The following ARCN1 variants were observed in gnomAD, a reference collection of about 807,000 sequenced individuals.
ARCN1 encodes coatomer subunit delta.
A neutral mutation model predicts 60.4 loss-of-function variants in ARCN1; 5 were observed. The ratio of observed to expected loss-of-function variants is 0.08; its 90% CI spans 0.04 to 0.17. ARCN1 has a LOEUF of 0.17. ARCN1 is among the 10% of genes least tolerant of loss of function. The pLI is 1.00. For missense variants in ARCN1, 464 were observed against 626.5 expected (o/e 0.74, Z 2.77); for synonymous variants, 224 against 220.0 (o/e 1.02, Z -0.16).
At chr11:118,584,260 G>T (rs1192198121) in intron 4 of ARCN1, among the ~76,000 whole-genome samples, 1 of 152,168 alleles carries the variant, frequency 6.6e-6, no homozygotes, top group Non-Finnish European at 1.5e-5. Flanking sequence ...TTGCCTTATT[G>T]TGGGGAGGAA....
intron 5 of ARCN1, among the ~76,000 whole-genome samples, chr11:118,586,361 TGCTTG>T (rs1218510183): frequency 3.3e-5 from 5 of 152,162 alleles, no homozygotes; most frequent in Non-Finnish European, 5.9e-5. Context: ...CTCCCAAAAG[TGCTTG>T]GATTATAGGC....
chr11:118,603,014 CAT>C lies in ARCN1; in HGVS notation c.*2301_*2302del, dbSNP rs1318872563. The C allele has an allele frequency of 2.0e-5, 3 of 153,572 alleles. No homozygotes were observed. Among genetic ancestry groups the C allele is most frequent in the Non-Finnish European group, 4.4e-5 (3 of 68,016 alleles). The allele number at this position is 153,572 out of a possible 1,614,324, so 9.5% of individuals were successfully genotyped here. A position where few individuals can be genotyped will look rare whatever the true frequency, so the allele number is the denominator to read the frequency against. On this transcript the variant is annotated 3_prime_UTR_variant, in exon 10 of 10. Transcript: ENST00000264028. ...GGGACCTAACATTAAAAATTAATGA[CAT>C]GTTTTTTTTAAGAGAAAGTAATCTG...
chr11:118,587,660 G>A (rs1050112847), intron 5 of ARCN1, among the ~76,000 whole-genome samples: 6 of 152,104 alleles, frequency 3.9e-5, no homozygotes, highest in East Asian at 1.9e-4. Flanking sequence ...CACATCAAGC[G>A]GTCACACCTA....
At chr11:118,597,975 A>T in intron 9 of ARCN1, 64 bp downstream of exon 9, 2 of 1,529,270 alleles carry the variant, frequency 1.3e-6, no homozygotes, top group Non-Finnish European at 1.8e-6. Context: ...CACGTATAGG[A>T]TGCCAGACAG....
intron 1 of ARCN1, chr11:118,572,973 A>T (rs1938386335): frequency 4.9e-6 from 1 of 203,952 alleles, no homozygotes; most frequent in Non-Finnish European, 9.8e-6. Flanking sequence ...TGTTAATCAG[A>T]GCTTGTCTCC....
At chr11:118,587,001 A>G (rs1391630028) in intron 5 of ARCN1, among the ~76,000 whole-genome samples, 2 of 152,122 alleles carry the variant, frequency 1.3e-5, no homozygotes, top group East Asian at 3.8e-4. Flanking sequence ...CTTAAGATGC[A>G]CTCCTTTATG....
rs1555076706 is a variant in ARCN1 at position 118,593,707 on chromosome 11, T to C, written c.1241+9T>C. Reference sequence around the variant, plus strand: ...ATCACCATCCCACTCCCGTAAGTGCTGTCCCTGTGTCCTCTACGGTGGACT... The same window carrying C: ...ATCACCATCCCACTCCCGTAAGTGCCGTCCCTGTGTCCTCTACGGTGGACT... On this transcript the variant is annotated intron_variant, in intron 8 of 9. Coordinates refer to ENST00000264028, the MANE Select transcript of ARCN1 (RefSeq NM_001655.5). 1 of 1,572,820 alleles carries C rather than the reference T, an allele frequency of 6.4e-7. No homozygotes were observed. Among genetic ancestry groups the C allele is most frequent in the South Asian group, 1.1e-5 (1 of 90,194 alleles).
At position 118,600,642 on chromosome 11, in the gene ARCN1, G is replaced by C; in HGVS notation, c.1464G>C (p.Gln488His). ...YCNIQVTKVT[Q>H]VDGNSPVRFS... ...TTTCCTAGGTTACCAAAGTGACCCAGGTAGATGGAAACAGCCCCGTCAGGT... is the reference window on the plus strand; with the variant it reads ...TTTCCTAGGTTACCAAAGTGACCCACGTAGATGGAAACAGCCCCGTCAGGT... Residue 488 changes from glutamine (Q) to histidine (H), a missense_variant, in exon 10 of 10, where the codon CAG becomes CAC. Gln to His is a conservative substitution (Grantham distance 24). Around this residue, in one of 2 missense-constraint regions of ARCN1, gnomAD observed 359 missense variants for 440.2 expected, o/e 0.82. Transcript: ENST00000264028. 1 of 1,612,048 alleles carries C rather than the reference G, an allele frequency of 6.2e-7. No individual in the cohort carries two copies. Among genetic ancestry groups the C allele is most frequent in the Non-Finnish European group, 8.5e-7 (1 of 1,179,154 alleles).
intron 1 of ARCN1, 41 bp downstream of exon 1, chr11:118,572,591 C>A: frequency 6.3e-7 from 1 of 1,596,624 alleles, no homozygotes; most frequent in Middle Eastern, 1.7e-4. Flanking sequence ...GGGTCCGAGC[C>A]TCACCGTCTC....
intron 1 of ARCN1, among the ~76,000 whole-genome samples, chr11:118,578,365 A>G (rs1555074055): frequency 6.6e-6 from 1 of 152,094 alleles, no homozygotes; most frequent in African/African-American, 2.4e-5. Context: ...CATTGTTTCT[A>G]ACAGGTTTAT....
At chr11:118,582,091 C>G (rs1938668642) in intron 2 of ARCN1, among the ~76,000 whole-genome samples, 1 of 151,950 alleles carries the variant, frequency 6.6e-6, no homozygotes, top group Non-Finnish European at 1.5e-5. Flanking sequence ...GCCAGGAGTT[C>G]AAGTGCACAG....
intron 5 of ARCN1, among the ~76,000 whole-genome samples, chr11:118,589,937 G>T (rs1591388099): frequency 1.3e-5 from 2 of 152,200 alleles, no homozygotes; most frequent in African/African-American, 4.8e-5. Context: ...GTTGTTGATG[G>T]CTAATCATTA....
chr11:118,592,749 C>T lies in ARCN1; in HGVS notation c.1025C>T (p.Ser342Phe). The T allele has an allele frequency of 2.5e-6, 4 of 1,614,010 alleles. No individual in the cohort carries two copies. Among genetic ancestry groups the T allele is most frequent in the Non-Finnish European group, 3.4e-6 (4 of 1,179,950 alleles). ...GATAAAAAACTTTTCACTGCAGAGT[C>T]TCTAATTGGCCTGAAGAATCCAGAG... ...NVDKKLFTAE[S>F]LIGLKNPEKS... The change falls in exon 7 of 10, where the codon TCT becomes TTT. Residue 342 changes from serine to phenylalanine, a missense_variant. This residue lies in a region of ARCN1 where 359 missense variants were observed against 440.2 expected (regional missense o/e 0.82). Coordinates refer to ENST00000264028, the MANE Select transcript of ARCN1 (RefSeq NM_001655.5).
chr11:118,601,920 A>G lies in ARCN1; in HGVS notation c.*1206A>G. ...CATTTCTCCACATTTTGGGTACTTA[A>G]GCTAAAACGTAATGGCCACAGTCTG... On this transcript the variant is annotated 3_prime_UTR_variant, in exon 10 of 10. Coordinates refer to ENST00000264028, the MANE Select transcript of ARCN1 (RefSeq NM_001655.5). 1.7e-6 allele frequency: 1 copy of G among 586,054 alleles called. No individual in the cohort carries two copies. The highest frequency in any genetic ancestry group is 2.8e-5 in the East Asian group (1 of 35,330). 36.3% of individuals were successfully genotyped at this position (586,054 alleles called of 1,614,324 possible).
rs150137941 is a variant in ARCN1, at chr11:118,581,103, G to A, written c.4-143G>A. 1,288 of 1,089,634 alleles carry A rather than the reference G, an allele frequency of 1.2e-3. 6 individuals carry two copies. In the African/African-American group the frequency reaches 0.015, roughly 13 times the overall value. The allele number at this position is 1,089,634 out of a possible 1,614,324, so 67.5% of individuals were successfully genotyped here. A position where few individuals can be genotyped will look rare whatever the true frequency, so the allele number is the denominator to read the frequency against. Reference sequence around the variant, plus strand: ...CCATTGCACTCCGGCATGGGTGACAGAGTGAGACCCTGTCTTAAAAATAAT... The same window carrying A: ...CCATTGCACTCCGGCATGGGTGACAAAGTGAGACCCTGTCTTAAAAATAAT... On this transcript the variant is annotated intron_variant, in intron 1 of 9. Transcript: ENST00000264028.
intron 1 of ARCN1, among the ~76,000 whole-genome samples, chr11:118,580,517 A>G (rs1938626549): frequency 6.6e-6 from 1 of 152,202 alleles, no homozygotes; most frequent in South Asian, 2.1e-4. Flanking sequence ...TCAAAACTAC[A>G]CAACTCTTTT....
intron 6 of ARCN1, among the ~76,000 whole-genome samples, chr11:118,592,376 A>G (rs1938931240): frequency 6.6e-6 from 1 of 152,154 alleles, no homozygotes. Context: ...TCTGCTTGGC[A>G]AACCTGGCCC....
chr11:118,573,213 TG>T (rs1374296035), intron 1 of ARCN1, among the ~76,000 whole-genome samples: 2 of 152,190 alleles, frequency 1.3e-5, no homozygotes, highest in Non-Finnish European at 2.9e-5. Context: ...TGTAGACCAC[TG>T]GGAAAATGTG....
rs868948041 is a variant in ARCN1 at position 118,573,645 on chromosome 11, G to C, written c.3+1095G>C. 18 of 702,184 alleles carry C rather than the reference G, an allele frequency of 2.6e-5. No homozygotes were observed. In the Middle Eastern group the frequency reaches 2.1e-3, roughly 80 times the overall value. The allele number at this position is 702,184 out of a possible 1,614,324, so 43.5% of individuals were successfully genotyped here. A position where few individuals can be genotyped will look rare whatever the true frequency, so the allele number is the denominator to read the frequency against. ...ATAACTTGATTTAAAACATCGTCCAGTGTACCTGAGAGATGGCAGAATGTA... is the reference window on the plus strand; with the variant it reads ...ATAACTTGATTTAAAACATCGTCCACTGTACCTGAGAGATGGCAGAATGTA... On this transcript the variant is annotated intron_variant, in intron 1 of 9. Coordinates refer to ENST00000264028, the MANE Select transcript of ARCN1 (RefSeq NM_001655.5).
Sources: allele counts gnomAD v4.1 joint callset (sites outside exome capture counted in the v4.1 genomes callset), GRCh38; gene constraint gnomAD v4.1.1; regional missense constraint gnomAD v4.1.1; transcripts MANE v1.5; gene names NCBI Gene and HGNC (gene_info 2026-07-23, HGNC 2026-07-21).